The following CHADL variants were observed in gnomAD, a reference collection of about 807,000 sequenced individuals.
The protein encoded by CHADL is chondroadherin-like protein.
Under a neutral mutation model 52.1 loss-of-function variants are expected in CHADL, and 48 were observed. That is an observed-to-expected ratio of 0.92 (90% CI 0.73 to 1.17). CHADL has a LOEUF of 1.17. CHADL is among the 50% of genes most tolerant of loss of function. CHADL has a pLI of 0.00. For synonymous variants in CHADL, 498 were observed against 511.2 expected (o/e 0.97, Z 0.35); for missense variants, 977 against 1,035.1 (o/e 0.94, Z 0.77).
chr22:41,235,424 G>T, intron 4 of CHADL, 81 bp from the exon 5 acceptor site: 2 of 1,175,990 alleles, frequency 1.7e-6, no homozygotes, highest in Non-Finnish European at 2.4e-6. Context: ...TGGGTGTGGG[G>T]CAGGGTTGGT....
chr22:41,229,935 T>C (rs2032469049), intron 5 of CHADL, among the ~76,000 whole-genome samples: 1 of 152,108 alleles, frequency 6.6e-6, no homozygotes, highest in Non-Finnish European at 1.5e-5. Flanking sequence ...GATTGGCACA[T>C]GGCAGTGTCG....
chr22:41,233,751 T>C (rs2145632258), intron 5 of CHADL, among the ~76,000 whole-genome samples: 1 of 152,280 alleles, frequency 6.6e-6, no homozygotes, highest in Non-Finnish European at 1.5e-5. Context: ...CATTTTGTTG[T>C]GGCAGTCCTA....
At chr22:41,232,204 C>A (rs768976183) in intron 5 of CHADL, among the ~76,000 whole-genome samples, 4 of 151,898 alleles carry the variant, frequency 2.6e-5, no homozygotes, top group African/African-American at 9.7e-5. Context: ...TGGTGGCAGT[C>A]ACCTGTAATC....
chr22:41,238,897 G>C lies in CHADL; in HGVS notation c.187-12C>G. 6.6e-7 allele frequency: 1 copy of C among 1,522,460 alleles called. No homozygotes were observed. Among genetic ancestry groups the C allele is most frequent in the Non-Finnish European group, 8.9e-7 (1 of 1,128,126 alleles). 94.3% of individuals were successfully genotyped at this position (1,522,460 alleles called of 1,614,324 possible). On this transcript the variant is annotated splice_polypyrimidine_tract_variant and intron_variant, in intron 2 of 5. Transcript: ENST00000216241. This position sits in a 1 kb window ranked among gnomAD's most constrained non-coding sequence, Gnocchi z 4.9. ...AGCCGCTGGGTCAGCTGGGGACAGC[G>C]AGGAGAAAGTGGGGCTGAGCCAGGC...
chr22:41,237,916 C>T lies in CHADL; in HGVS notation c.1156G>A (p.Gly386Ser). Residue 386 changes from glycine (G) to serine (S), a missense_variant, in exon 3 of 6, where the codon GGC becomes AGC. Gly to Ser is a moderately conservative substitution (Grantham distance 56, BLOSUM62 0). Transcript: ENST00000216241. ...PRAPPRGPPR[G>S]PGEERAVAPC... The stretch of plus-strand genomic sequence containing the variant: ...GCGACTGCCCGCTCCTCCCCGGGGC[C>T]GCGCGGAGGGCCGCGCGGAGGGGCG... 7.7e-7 allele frequency: 1 copy of T among 1,291,006 alleles called. No homozygotes were observed. The allele number at this position is 1,291,006 out of a possible 1,614,324, so 80.0% of individuals were successfully genotyped here.
At chr22:41,239,741 C>T (rs2032827542) in intron 1 of CHADL, 121 bp from the exon 2 acceptor site, 6 of 911,678 alleles carry the variant, frequency 6.6e-6, no homozygotes, top group Non-Finnish European at 9.5e-6. Flanking sequence ...CTCCTTTGGG[C>T]CCAGGAAAGT....
intron 5 of CHADL, chr22:41,230,093 C>CCCCCGTAATTTAAA: frequency 1.0e-6 from 1 of 965,792 alleles, no homozygotes; most frequent in Non-Finnish European, 1.6e-6. Context: ...CCACCCCTCC[C>CCCCCGTAATTTAAA]AGAGTTATTT....
At chr22:41,229,793 C>CAG in intron 5 of CHADL, 63 bp from the exon 6 acceptor site, 2 of 1,402,284 alleles carry the variant, frequency 1.4e-6, no homozygotes, top group Non-Finnish European at 2.0e-6. Context: ...CAGTCCTGTA[C>CAG]CACTGGACCC....
At chr22:41,232,161 T>C (rs552716899) in intron 5 of CHADL, among the ~76,000 whole-genome samples, 9 of 151,944 alleles carry the variant, frequency 5.9e-5, no homozygotes, top group Non-Finnish European at 7.4e-5. Context: ...TGAAACCCTG[T>C]CTCTACTAAA....
rs1401530540 is a variant in CHADL, at chr22:41,237,304, C to T, written c.1768G>A (p.Glu590Lys). ...AGCTCCAGGAGGGCAGGCAGCCCCT[C>T]CAAGGCCCCAGTGGGCACCTCTCGC... ...QLREVPTGAL[E>K]GLPALLELQL... The change falls in exon 3 of 6, where the codon GAG becomes AAG. Residue 590 changes from glutamate to lysine, a missense_variant. Physicochemically the swap from Glu to Lys is moderately conservative, Grantham distance 56 (BLOSUM62 1). Transcript: ENST00000216241. 6.4e-7 allele frequency: 1 copy of T among 1,550,668 alleles called. No individual in the cohort carries two copies. The highest frequency in any genetic ancestry group is 1.2e-5 in the South Asian group (1 of 84,064).
chr22:41,237,619 G>A lies in CHADL; in HGVS notation c.1453C>T (p.Leu485Phe). The change falls in exon 3 of 6, where the codon CTC (leucine) becomes TTC (phenylalanine). Residue 485 changes from leucine to phenylalanine, a missense_variant. Coordinates refer to ENST00000216241, the MANE Select transcript of CHADL (RefSeq NM_138481.2). Reference sequence around the variant, plus strand: ...AGGGCAGCAGCGCTGAGGCCTGCGAGCTGGTTGTCGGAGAGGTACAGGTAG... The same window carrying A: ...AGGGCAGCAGCGCTGAGGCCTGCGAACTGGTTGTCGGAGAGGTACAGGTAG... ...LIYLYLSDNQ[L>F]AGLSAAALEG... is the part of the protein sequence containing the mutation. The A allele has an allele frequency of 1.3e-6, 2 of 1,550,466 alleles. No individual in the cohort carries two copies. Among genetic ancestry groups the A allele is most frequent in the Non-Finnish European group, 8.7e-7 (1 of 1,146,894 alleles).
chr22:41,237,420 T>G lies in CHADL; in HGVS notation c.1652A>C (p.Tyr551Ser), dbSNP rs557098666. Residue 551 changes from tyrosine (Y) to serine (S), a missense_variant, in exon 3 of 6, where the codon TAC (tyrosine) becomes TCC (serine). Physicochemically the swap from Tyr to Ser is moderately radical, Grantham distance 144 (BLOSUM62 -2). Transcript: ENST00000216241. ...LGRTRALRWVYLSGNRITEVS... is the reference protein window; with the variant it reads ...LGRTRALRWVSLSGNRITEVS... Reference sequence around the variant, plus strand: ...TTCGGTGATGCGGTTTCCACTCAGGTAGACCCAGCGCAAGGCCCGTGTTCT... The same window carrying G: ...TTCGGTGATGCGGTTTCCACTCAGGGAGACCCAGCGCAAGGCCCGTGTTCT... The G allele has an allele frequency of 6.4e-6, 10 of 1,550,506 alleles. No individual in the cohort carries two copies. In the African/African-American group the frequency reaches 1.4e-4, roughly 21 times the overall value.
At chr22:41,240,039 A>G (rs1303605266) in intron 1 of CHADL, among the ~76,000 whole-genome samples, 1 of 152,130 alleles carries the variant, frequency 6.6e-6, no homozygotes, top group African/African-American at 2.4e-5. Flanking sequence ...GGTACCCCCC[A>G]GAAAGGAGGG....
Position 41,236,632 on chromosome 22 carries a change from A to G in CHADL, c.1915T>C (p.Ser639Pro). Residue 639 changes from serine (S) to proline (P), a missense_variant, in exon 4 of 6, where the codon TCA (serine) becomes CCA (proline). Physicochemically the swap from Ser to Pro is moderately conservative, Grantham distance 74. Transcript: ENST00000216241. Reference sequence around the variant, plus strand: ...CTCTGGAGCCCGGGCCCCAGGCCTGAAAAGGCCCCAGGACAAATCTGCAAG... The same window carrying G: ...CTCTGGAGCCCGGGCCCCAGGCCTGGAAAGGCCCCAGGACAAATCTGCAAG... ...GLEQICPGAF[S>P]GLGPGLQSLH... is the part of the protein sequence containing the mutation. The G allele has an allele frequency of 1.9e-6, 3 of 1,549,252 alleles. No homozygotes were observed. Among genetic ancestry groups the G allele is most frequent in the Non-Finnish European group, 2.6e-6 (3 of 1,146,804 alleles).
rs774242325 is a variant in CHADL at position 41,237,505 on chromosome 22, G to A, written c.1567C>T (p.Leu523Phe). 6.4e-7 allele frequency: 1 copy of A among 1,550,518 alleles called. No homozygotes were observed. The highest frequency in any genetic ancestry group is 2.0e-5 in the Admixed American group (1 of 51,014). The change falls in exon 3 of 6, where the codon CTC becomes TTC. Residue 523 changes from leucine (L) to phenylalanine (F), a missense_variant. By Grantham distance (22) the Leu-to-Phe change is conservative (BLOSUM62 0). Transcript: ENST00000216241. ...PGAALRALPS[L>F]FSLHLQDNAV... ...TTGTCCTGCAGGTGCAGGGAGAAGA[G>A]GCTGGGCAGGGCGCGCAGGGCAGCC...
rs1201408137 is a variant in CHADL, at chr22:41,239,468, G to A, written c.161C>T (p.Thr54Ile). The A allele has an allele frequency of 5.2e-6, 8 of 1,550,984 alleles. No individual in the cohort carries two copies. Among genetic ancestry groups the A allele is most frequent in the Non-Finnish European group, 7.0e-6 (8 of 1,146,902 alleles). The stretch of plus-strand genomic sequence containing the variant: ...CTCAGGGATGGCGTCTGGCACCTCA[G>A]TGAGGTTCTGGTACCGGCAGGCAAC... The part of the protein sequence containing the change: ...RHVACRYQNL[T>I]EVPDAIPELT... Residue 54 changes from threonine (T) to isoleucine (I), a missense_variant, in exon 2 of 6, where the codon ACT becomes ATT. Transcript: ENST00000216241.
rs559657094 is a variant in CHADL at position 41,238,017 on chromosome 22, G to A, written c.1055C>T (p.Pro352Leu). 2.0e-4 allele frequency: 254 copies of A among 1,284,136 alleles called. No homozygotes were observed. In the African/African-American group the frequency reaches 3.7e-3, roughly 19 times the overall value. 79.5% of individuals were successfully genotyped at this position (1,284,136 alleles called of 1,614,324 possible). A position where few individuals can be genotyped will look rare whatever the true frequency, so the allele number is the denominator to read the frequency against. The change falls in exon 3 of 6, where the codon CCC becomes CTC. Residue 352 changes from proline to leucine, a missense_variant. Coordinates refer to ENST00000216241, the MANE Select transcript of CHADL (RefSeq NM_138481.2). The surrounding 1 kb of genome is among the most constrained non-coding windows in gnomAD (Gnocchi z 4.9). The stretch of plus-strand genomic sequence containing the variant: ...GTCCCCAGGGCAGCGCAGGTCCCAG[G>A]GCCGCAGGGCGTCCAGAGCCTCGCC... ...LRGEALDALR[P>L]WDLRCPGDAA...
Position 41,236,639 on chromosome 22 carries a change from C to T in CHADL, c.1908G>A (p.Gly636=), listed in dbSNP as rs760880557. The change falls in exon 4 of 6, where the codon GGG becomes GGA. Residue 636 remains glycine, a synonymous_variant. Transcript: ENST00000216241. ...GCCCGGGCCCCAGGCCTGAAAAGGC[C>T]CCAGGACAAATCTGCAAGGAGTTGC... ...NSSGLEQICP[G]AFSGLGPGLQ... 8.7e-5 allele frequency: 134 copies of T among 1,548,892 alleles called. No homozygotes were observed. Among genetic ancestry groups the T allele is most frequent in the Non-Finnish European group, 1.0e-4 (120 of 1,146,872 alleles).
At chr22:41,234,832 C>T (rs545393122) in intron 5 of CHADL, among the ~76,000 whole-genome samples, 2 of 152,302 alleles carry the variant, frequency 1.3e-5, no homozygotes, top group East Asian at 1.9e-4. Flanking sequence ...GGATTACAGG[C>T]GTGAGCCAAC....
Sources: allele counts gnomAD v4.1 joint callset (sites outside exome capture counted in the v4.1 genomes callset), GRCh38; gene constraint gnomAD v4.1.1; non-coding constraint Gnocchi (gnomAD v3.1); transcripts MANE v1.5; gene names NCBI Gene and HGNC (gene_info 2026-07-23, HGNC 2026-07-21).